The following HOXA11 variants were observed in gnomAD, a reference collection of about 807,000 sequenced individuals.
The protein encoded by HOXA11 is homeobox A11.
In HOXA11, 8 loss-of-function variants were observed where a neutral mutation model predicts 22.5. That is an observed-to-expected ratio of 0.36 (90% CI 0.21 to 0.64). HOXA11 has a LOEUF of 0.64. HOXA11 is among the 30% of genes least tolerant of loss of function. The pLI, the probability that HOXA11 is intolerant of heterozygous loss-of-function variation, is 0.67. For missense variants in HOXA11, 388 were observed against 429.0 expected (o/e 0.90, Z 0.84); for synonymous variants, 211 against 188.4 (o/e 1.12, Z -0.98).
In HOXA11 at chr7:27,184,446, G is replaced by T; in HGVS notation, c.699C>A (p.Ala233=). The T allele has an allele frequency of 6.4e-7, 1 of 1,572,816 alleles. No individual in the cohort carries two copies. Among genetic ancestry groups the T allele is most frequent in the South Asian group, 1.2e-5 (1 of 85,964 alleles). Residue 233 remains alanine (A), a synonymous_variant, in exon 1 of 2, where the codon GCC becomes GCA. Coordinates refer to ENST00000006015, the MANE Select transcript of HOXA11 (RefSeq NM_005523.6). The stretch of plus-strand genomic sequence containing the variant: ...TGCCTTTATACGTACTGGAGCCGCC[G>T]GCCTTGTCCTCAGTGTGGCCGGAAG... ...ESSSGHTEDK[A]GGSSGQRTRK...
Position 27,184,521 on chromosome 7 carries a change from C to T in HOXA11, c.624G>A (p.Glu208=), listed in dbSNP as rs920522257. The change falls in exon 1 of 2, where the codon GAG becomes GAA. Residue 208 remains glutamate, a synonymous_variant. Coordinates refer to ENST00000006015, the MANE Select transcript of HOXA11 (RefSeq NM_005523.6). ...CGGGGCGCCGCCGCCGCTCTTTCTC[C>T]TCTGCTGCCGCCGCCGTCTCCCGGC... ...GGCRETAAAA[E]EKERRRRPES... The T allele has an allele frequency of 1.1e-5, 16 of 1,519,082 alleles. No individual in the cohort carries two copies. The highest frequency in any genetic ancestry group is 1.4e-5 in the African/African-American group (1 of 70,002). 94.1% of individuals were successfully genotyped at this position (1,519,082 alleles called of 1,614,324 possible).
At chr7:27,183,239 A>G (rs1213808061) in intron 1 of HOXA11, among the ~76,000 whole-genome samples, 2 of 152,212 alleles carry the variant, frequency 1.3e-5, no homozygotes, top group Non-Finnish European at 2.9e-5. Context: ...CCAGCTCCCT[A>G]AATAGGCCCC....
chr7:27,184,809 G>A lies in HOXA11; in HGVS notation c.336C>T (p.Ala112=), dbSNP rs774090664. 1 of 1,613,904 alleles carries A rather than the reference G, an allele frequency of 6.2e-7. No homozygotes were observed. Among genetic ancestry groups the A allele is most frequent in the Non-Finnish European group, 8.5e-7 (1 of 1,179,894 alleles). ...CGGGGGTGGGGTGGTGGTAGACGTT[G>A]GCCGAGCTCTTGGCCAGCACGTCGC... ...VPGDVLAKSS[A]NVYHHPTPAV... is the part of the protein sequence containing the mutation. Residue 112 remains alanine (A), a synonymous_variant, in exon 1 of 2, where the codon GCC becomes GCT. Coordinates refer to ENST00000006015, the MANE Select transcript of HOXA11 (RefSeq NM_005523.6).
rs1319797396 is a variant in HOXA11 at position 27,182,733 on chromosome 7, G to T, written c.*63C>A. ...CACCATGTGGCTTGACTTTGTCAAG[G>T]GCAAAATCTGCATATTATCTCATGT... On this transcript the variant is annotated 3_prime_UTR_variant, in exon 2 of 2. Coordinates refer to ENST00000006015, the MANE Select transcript of HOXA11 (RefSeq NM_005523.6). 5.5e-6 allele frequency: 6 copies of T among 1,087,152 alleles called. No individual in the cohort carries two copies. In the African/African-American group the frequency reaches 9.3e-5, roughly 17 times the overall value. 67.3% of individuals were successfully genotyped at this position (1,087,152 alleles called of 1,614,324 possible).
chr7:27,185,021 G>C lies in HOXA11; in HGVS notation c.124C>G (p.Pro42Ala), dbSNP rs373928992. 4.3e-6 allele frequency: 7 copies of C among 1,614,088 alleles called. No individual in the cohort carries two copies. The highest frequency in any genetic ancestry group is 5.9e-6 in the Non-Finnish European group (7 of 1,180,050). ...TTGGAGGAGTAGGAGTATGTCATTG[G>C]GCGCGAAGACGGGGTCTGGGGCAGA... is the stretch of plus-strand genomic sequence containing the variant. Reference protein sequence around the residue: ...SFLPQTPSSRPMTYSYSSNLP... With the variant: ...SFLPQTPSSRAMTYSYSSNLP... Residue 42 changes from proline (P) to alanine (A), a missense_variant, in exon 1 of 2, where the codon CCA becomes GCA. Physicochemically the swap from Pro to Ala is conservative, Grantham distance 27. Around this residue, in one of 4 missense-constraint regions of HOXA11, gnomAD observed 12 missense variants for 30.6 expected, o/e 0.39. Coordinates refer to ENST00000006015, the MANE Select transcript of HOXA11 (RefSeq NM_005523.6).
chr7:27,184,614 C>CGCG lies in HOXA11; in HGVS notation c.528_530dup (p.Ala183dup), dbSNP rs1554274764. On this transcript the variant is annotated inframe_insertion, in exon 1 of 2. Transcript: ENST00000006015. ...CGCCCGTTGCAGCCGCCGCCGCCGC[C>CGCG]GCGGAGGTCGCCGTGGCCGCCGGGG... The CGCG allele has an allele frequency of 6.6e-7, 1 of 1,520,754 alleles. No homozygotes were observed. Among genetic ancestry groups the CGCG allele is most frequent in the Non-Finnish European group, 8.8e-7 (1 of 1,135,382 alleles). 94.2% of individuals were successfully genotyped at this position (1,520,754 alleles called of 1,614,324 possible).
At chr7:27,183,373 G>A (rs564584346) in intron 1 of HOXA11, among the ~76,000 whole-genome samples, 8 of 152,368 alleles carry the variant, frequency 5.3e-5, no homozygotes, top group Non-Finnish European at 8.8e-5. Flanking sequence ...CCTCTCGCAG[G>A]CCAGACTAAA....
chr7:27,184,357 T>G, intron 1 of HOXA11, 79 bp downstream of exon 1: 1 of 1,369,098 alleles, frequency 7.3e-7, no homozygotes, highest in Non-Finnish European at 1.0e-6. Flanking sequence ...TAAAACAGCA[T>G]ATAAAAATTT....
In HOXA11 at chr7:27,185,135, C is replaced by G. The variant is rs752525999; in HGVS notation, c.10G>C (p.Asp4His). The G allele has an allele frequency of 6.8e-6, 11 of 1,614,006 alleles. No individual in the cohort carries two copies. The highest frequency in any genetic ancestry group is 1.7e-5 in the Admixed American group (1 of 60,022). The change falls in exon 1 of 2, where the codon GAT (aspartate) becomes CAT (histidine). Residue 4 changes from aspartate to histidine, a missense_variant. Coordinates refer to ENST00000006015, the MANE Select transcript of HOXA11 (RefSeq NM_005523.6). Reference protein sequence around the residue: MDFDERGPCSSNMY... With the variant: MDFHERGPCSSNMY... ...TTAGAGGAGCAGGGACCACGCTCAT[C>G]AAAATCCATTATTGGGCTACCTTGG...
At position 27,181,375 on chromosome 7, in the gene HOXA11, G is replaced by C. The variant is rs1783763721; in HGVS notation, c.*1421C>G. On this transcript the variant is annotated 3_prime_UTR_variant, in exon 2 of 2. Coordinates refer to ENST00000006015, the MANE Select transcript of HOXA11 (RefSeq NM_005523.6). ...CAGGCCGGCCAGGCCGACTGCCTCT[G>C]AGCATTTCCCTAACTCTTTCCAAAT... 1 of 207,032 alleles carries C rather than the reference G, an allele frequency of 4.8e-6. No homozygotes were observed. Among genetic ancestry groups the C allele is most frequent in the South Asian group, 1.9e-4 (1 of 5,294 alleles). The allele number at this position is 207,032 out of a possible 1,614,324, so 12.8% of individuals were successfully genotyped here.
chr7:27,184,017 C>T (rs1019665119), intron 1 of HOXA11, among the ~76,000 whole-genome samples: 3 of 152,002 alleles, frequency 2.0e-5, no homozygotes, highest in Non-Finnish European at 4.4e-5. Flanking sequence ...TGAATCCCGG[C>T]CGGGACTGGA....
rs1011459673 is a variant in HOXA11, at chr7:27,182,518, C to T, written c.*278G>A. The T allele has an allele frequency of 2.8e-5, 14 of 504,506 alleles. No individual in the cohort carries two copies. Among genetic ancestry groups the T allele is most frequent in the African/African-American group, 1.5e-4 (8 of 52,382 alleles). The allele number at this position is 504,506 out of a possible 1,614,324, so 31.3% of individuals were successfully genotyped here. ...TCCCCAGTGGAGACCACACCCAGCCCGCAGCTCTGCAGGCTCCAAGAGTGA... is the reference window on the plus strand; with the variant it reads ...TCCCCAGTGGAGACCACACCCAGCCTGCAGCTCTGCAGGCTCCAAGAGTGA... On this transcript the variant is annotated 3_prime_UTR_variant, in exon 2 of 2. Transcript: ENST00000006015.
rs755250691 is a variant in HOXA11 at position 27,185,192 on chromosome 7, C to G, written c.-48G>C. 1 of 1,612,616 alleles carries G rather than the reference C, an allele frequency of 6.2e-7. No individual in the cohort carries two copies. Among genetic ancestry groups the G allele is most frequent in the Non-Finnish European group, 8.5e-7 (1 of 1,179,808 alleles). On this transcript the variant is annotated 5_prime_UTR_variant, in exon 1 of 2. Transcript: ENST00000006015. Reference sequence around the variant, plus strand: ...CGCAGTAGCCGAGCTTAACATGATTCTCCACTGCAGCTGCCTCTTTGAAGC... The same window carrying G: ...CGCAGTAGCCGAGCTTAACATGATTGTCCACTGCAGCTGCCTCTTTGAAGC...
rs77444786 is a variant in HOXA11, at chr7:27,181,686, G to T, written c.*1110C>A. On this transcript the variant is annotated 3_prime_UTR_variant, in exon 2 of 2. Transcript: ENST00000006015. ...CTCTACATTGCATCTTTTAAAATTCGCTTTGGTTCCTTCAGGGAAATATAT... is the reference window on the plus strand; with the variant it reads ...CTCTACATTGCATCTTTTAAAATTCTCTTTGGTTCCTTCAGGGAAATATAT... The T allele has an allele frequency of 4.5e-5, 8 of 176,434 alleles. No individual in the cohort carries two copies. The highest frequency in any genetic ancestry group is 8.5e-5 in the Non-Finnish European group (7 of 82,292). The allele number at this position is 176,434 out of a possible 1,614,324, so 10.9% of individuals were successfully genotyped here. A position where few individuals can be genotyped will look rare whatever the true frequency, so the allele number is the denominator to read the frequency against.
intron 1 of HOXA11, among the ~76,000 whole-genome samples, chr7:27,184,189 G>C (rs1349843957): frequency 1.3e-5 from 2 of 151,850 alleles, no homozygotes; most frequent in Admixed American, 6.5e-5. Context: ...GAGCTGAGAA[G>C]GGAAAAAAGG....
intron 1 of HOXA11, among the ~76,000 whole-genome samples, chr7:27,184,164 A>AGCT (rs1477556828): frequency 2.6e-5 from 4 of 152,052 alleles, no homozygotes; most frequent in Admixed American, 2.0e-4. Context: ...AGCGGGGTCG[A>AGCT]GCTGCTGGGC....
Position 27,185,178 on chromosome 7 carries a change from A to C in HOXA11, c.-34T>G. 6.2e-7 allele frequency: 1 copy of C among 1,613,194 alleles called. No homozygotes were observed. The highest frequency in any genetic ancestry group is 8.5e-7 in the Non-Finnish European group (1 of 1,179,982). ...TACCTTGGGCTCTCCGCAGTAGCCG[A>C]GCTTAACATGATTCTCCACTGCAGC... On this transcript the variant is annotated 5_prime_UTR_variant, in exon 1 of 2. Coordinates refer to ENST00000006015, the MANE Select transcript of HOXA11 (RefSeq NM_005523.6).
chr7:27,184,062 C>G (rs867680869), intron 1 of HOXA11, among the ~76,000 whole-genome samples: 1 of 152,170 alleles, frequency 6.6e-6, no homozygotes, highest in Middle Eastern at 3.2e-3. Flanking sequence ...ATAAAAATCT[C>G]CGGATTACCT....
rs1783833183 is a variant in HOXA11 at position 27,184,734 on chromosome 7, T to C, written c.411A>G (p.Pro137=). The change falls in exon 1 of 2, where the codon CCA becomes CCG. Residue 137 remains proline (P), a synonymous_variant. Coordinates refer to ENST00000006015, the MANE Select transcript of HOXA11 (RefSeq NM_005523.6). The part of the protein sequence containing the change: ...YSTVGRNGVL[P]QAFDQFFETA... ...TCTCGAAAAACTGGTCGAAAGCCTG[T>C]GGCAGGACGCCGTTCCTGCCCACGG... is the stretch of plus-strand genomic sequence containing the variant. The C allele has an allele frequency of 1.9e-6, 3 of 1,613,690 alleles. No homozygotes were observed. Among genetic ancestry groups the C allele is most frequent in the East Asian group, 2.2e-5 (1 of 44,876 alleles).
Sources: gnomAD v4.1 joint callset for allele counts (sites outside exome capture counted in the v4.1 genomes callset) on GRCh38, gnomAD v4.1.1 for gene constraint, gnomAD v4.1.1 regional missense constraint, MANE v1.5 for transcripts, NCBI Gene and HGNC (gene_info 2026-07-23, HGNC 2026-07-21) for gene names.